Variants in PPM1E observed in about 807,000 individuals in gnomAD.
PPM1E encodes protein phosphatase, Mg2+/Mn2+ dependent 1E, also known as protein phosphatase 1E.
A neutral mutation model predicts 65.9 loss-of-function variants in PPM1E; 20 were observed. That is an observed-to-expected ratio of 0.30 (90% confidence interval 0.21 to 0.44). PPM1E has a LOEUF of 0.44. Ranked by LOEUF, PPM1E falls within the 20% of genes least tolerant of loss-of-function variation. PPM1E has a pLI of 1.00. For synonymous variants in PPM1E, 352 were observed against 374.9 expected, an observed-to-expected ratio of 0.94 and a Z score of 0.70; for missense variants, 713 against 953.1, an observed-to-expected ratio of 0.75 and a Z score of 3.32.
intron 1 of PPM1E, among the ~76,000 whole-genome samples, chr17:58,935,818 T>A (rs1056753209): frequency 6.6e-6 from 1 of 152,110 alleles, no homozygotes; most frequent in Non-Finnish European, 1.5e-5. Context: ...TTCTTTTTTT[T>A]TTAAATTTTA....
chr17:58,836,366 C>T (rs1423704039), intron 1 of PPM1E, among the ~76,000 whole-genome samples: 1 of 151,768 alleles, frequency 6.6e-6, no homozygotes, highest in African/African-American at 2.4e-5. Context: ...CATGGTGGCT[C>T]ACACCTGCAC....
At chr17:58,757,395 A>G (rs912619490) in intron 1 of PPM1E, among the ~76,000 whole-genome samples, 1 of 152,198 alleles carries the variant, frequency 6.6e-6, no homozygotes, top group African/African-American at 2.4e-5. Flanking sequence ...GGCCTGAAAT[A>G]GAAACGGTTT....
intron 1 of PPM1E, among the ~76,000 whole-genome samples, chr17:58,942,490 T>C (rs1204091330): frequency 6.6e-6 from 1 of 152,224 alleles, no homozygotes; most frequent in Non-Finnish European, 1.5e-5. Context: ...CCTGAACCAC[T>C]CACTTATTTG....
chr17:58,962,203 G>C (rs545269597), intron 2 of PPM1E, among the ~76,000 whole-genome samples: 1 of 151,560 alleles, frequency 6.6e-6, no homozygotes, highest in South Asian at 2.1e-4. Context: ...AGAATTCCTT[G>C]AACCTGGGAG....
intron 2 of PPM1E, among the ~76,000 whole-genome samples, chr17:58,957,434 C>A (rs1037253527): frequency 6.6e-5 from 10 of 152,182 alleles, no homozygotes; most frequent in African/African-American, 2.4e-4. Context: ...ATTGGTTATT[C>A]TGATTTTTTA....
At chr17:58,972,452 G>A (rs1057460684) in intron 5 of PPM1E, among the ~76,000 whole-genome samples, 177 bp downstream of exon 5, 1 of 152,030 alleles carries the variant, frequency 6.6e-6, no homozygotes, top group Non-Finnish European at 1.5e-5. Flanking sequence ...CTGGGTTCAA[G>A]CGATTCTCCT....
chr17:58,791,434 C>T (rs1205785806), intron 1 of PPM1E, among the ~76,000 whole-genome samples: 4 of 152,104 alleles, frequency 2.6e-5, no homozygotes, highest in African/African-American at 9.7e-5. Context: ...CAGATACTGT[C>T]CTATTTTTAA....
intron 1 of PPM1E, among the ~76,000 whole-genome samples, chr17:58,774,165 C>T (rs1051820001): frequency 6.6e-5 from 10 of 150,698 alleles, no homozygotes; most frequent in African/African-American, 9.7e-5. Flanking sequence ...TCTGTCCCCC[C>T]CCCCCAAAAA....
chr17:58,808,559 G>A (rs2050336641), intron 1 of PPM1E, among the ~76,000 whole-genome samples: 1 of 151,920 alleles, frequency 6.6e-6, no homozygotes, highest in South Asian at 2.1e-4. Context: ...ACAGAGAGAG[G>A]GAGGGAGGAA....
At chr17:58,840,649 T>A (rs574178980) in intron 1 of PPM1E, among the ~76,000 whole-genome samples, 1 of 151,840 alleles carries the variant, frequency 6.6e-6, no homozygotes, top group African/African-American at 2.4e-5. Flanking sequence ...AAAAAAAAGA[T>A]CACTGTGAGA....
intron 1 of PPM1E, among the ~76,000 whole-genome samples, chr17:58,840,911 T>C (rs138628808): frequency 1.3e-5 from 2 of 152,274 alleles, no homozygotes; most frequent in African/African-American, 2.4e-5. Flanking sequence ...CAAGGAAGCA[T>C]TGGGCAGCAC....
intron 5 of PPM1E, 34 bp from the exon 6 acceptor site, chr17:58,972,798 G>C: frequency 6.5e-7 from 1 of 1,531,444 alleles, no homozygotes; most frequent in Non-Finnish European, 9.0e-7. Context: ...CCTGAATCCA[G>C]TTATTTGCTT....
At chr17:58,781,550 A>G (rs2050049790) in intron 1 of PPM1E, among the ~76,000 whole-genome samples, 1 of 152,098 alleles carries the variant, frequency 6.6e-6, no homozygotes, top group African/African-American at 2.4e-5. Context: ...TTAGATTGTA[A>G]GGGAAAAAAT....
At chr17:58,951,669 T>TC (rs2052240315) in intron 1 of PPM1E, among the ~76,000 whole-genome samples, 2 of 132,018 alleles carry the variant, frequency 1.5e-5, no homozygotes, top group Admixed American at 7.5e-5. Flanking sequence ...AGTGAGACTC[T>TC]CTTTAAAAAA....
At chr17:58,885,732 TTCTA>T (rs1311143455) in intron 1 of PPM1E, among the ~76,000 whole-genome samples, 1 of 152,136 alleles carries the variant, frequency 6.6e-6, no homozygotes, top group Non-Finnish European at 1.5e-5. Flanking sequence ...TCCATTTGTT[TTCTA>T]TCTATCTGTC....
At chr17:58,834,709 G>A (rs1254305902) in intron 1 of PPM1E, among the ~76,000 whole-genome samples, 1 of 152,158 alleles carries the variant, frequency 6.6e-6, no homozygotes, top group African/African-American at 2.4e-5. Context: ...CTGTACAAGT[G>A]TGAGTTTATT....
chr17:58,862,132 C>T (rs1377645429), intron 1 of PPM1E, among the ~76,000 whole-genome samples: 1 of 152,134 alleles, frequency 6.6e-6, no homozygotes, highest in African/African-American at 2.4e-5. Flanking sequence ...TTCACAGTTT[C>T]CTGGAGACAG....
In PPM1E at chr17:58,805,961, C is replaced by CAAAAAA. The variant is rs71367632; in HGVS notation, c.464+49507_464+49512dup. ...CAGGCTGTTCTGCTAAAAAAAAAAA[C>CAAAAAA]AAAAAAAAAAAACAAAAAAAAAACA... On this transcript the variant is annotated intron_variant, in intron 1 of 6. Transcript: ENST00000308249. Among the ~76,000 whole-genome samples, 11 of 69,828 alleles carry CAAAAAA rather than the reference C, an allele frequency of 1.6e-4. 1 individual carries two copies. The highest frequency in any genetic ancestry group is 3.8e-4 in the East Asian group (1 of 2,616). 45.8% of individuals were successfully genotyped at this position (69,828 alleles called of 152,430 possible).
chr17:58,973,138 C>T (rs943261984), intron 6 of PPM1E, among the ~76,000 whole-genome samples: 8 of 152,162 alleles, frequency 5.3e-5, no homozygotes, highest in Admixed American at 5.2e-4. Flanking sequence ...AAGAGAACTG[C>T]CAGGCTCAGT....
Sources: gnomAD v4.1 joint callset for allele counts (sites outside exome capture counted in the v4.1 genomes callset) on GRCh38, gnomAD v4.1.1 for gene constraint, MANE v1.5 for transcripts, NCBI Gene and HGNC (gene_info 2026-07-23, HGNC 2026-07-21) for gene names.